The following BCKDHB variants were observed in gnomAD, a reference collection of about 807,000 sequenced individuals.
BCKDHB encodes branched chain keto acid dehydrogenase E1 subunit beta.
BCKDHB carries 41 observed loss-of-function variants against 48.5 expected under a neutral mutation model. The observed-to-expected ratio is 0.85, with a 90% CI of 0.66 to 1.10. BCKDHB has a LOEUF of 1.10. Among genes scored for constraint, BCKDHB ranks in the 50% least tolerant of loss-of-function variants. The pLI, the probability that BCKDHB is intolerant of heterozygous loss-of-function variation, is 0.00. For missense variants in BCKDHB, 496 were observed against 494.2 expected (o/e 1.00, Z -0.03); for synonymous variants, 201 against 174.8 (o/e 1.15, Z -1.18).
At chr6:80,448,859 A>T in the BCKDHB span, among the ~76,000 whole-genome samples, 1 of 152,162 alleles carries the variant, frequency 6.6e-6, no homozygotes, top group Non-Finnish European at 1.5e-5. Flanking sequence ...GCATGATGGG[A>T]TCATTTGTAC....
intron 9 of BCKDHB, among the ~76,000 whole-genome samples, chr6:80,339,141 G>A: frequency 6.6e-6 from 1 of 152,134 alleles, no homozygotes; most frequent in South Asian, 2.1e-4. Context: ...TGGAGAAATA[G>A]GGTTAGATAT....
chr6:80,354,242 T>TA, the BCKDHB span, among the ~76,000 whole-genome samples: 2,523 of 143,778 alleles, frequency 0.018, 20 homozygotes, highest in Middle Eastern at 0.028. Context: ...TTTATTTATT[T>TA]TTTTATACAG....
chr6:80,403,872 A>G, the BCKDHB span, among the ~76,000 whole-genome samples: 1 of 151,974 alleles, frequency 6.6e-6, no homozygotes, highest in African/African-American at 2.4e-5. Context: ...GTTGCAGTCT[A>G]TGACATTTAT....
chr6:80,291,791 G>A (rs1161750007), intron 9 of BCKDHB, among the ~76,000 whole-genome samples: 1 of 152,112 alleles, frequency 6.6e-6, no homozygotes, highest in African/African-American at 2.4e-5. Context: ...CACAGTTCTT[G>A]AAACATAATT....
chr6:80,254,485 C>T (rs1159240753), intron 8 of BCKDHB, among the ~76,000 whole-genome samples: 1 of 151,976 alleles, frequency 6.6e-6, no homozygotes, highest in African/African-American at 2.4e-5. Context: ...TGCTTGAGCC[C>T]TGGGGTTCAA....
At position 80,313,510 on chromosome 6, in the gene BCKDHB, G is replaced by A. The variant is rs567875003; in HGVS notation, c.1039-30154G>A. On this transcript the variant is annotated intron_variant, in intron 9 of 9. Transcript: ENST00000320393. ...CGAGTAGCTGGGATTACAGGCATCC[G>A]CCACCATGCCTGGCTAATTTTTGTA... is the stretch of plus-strand genomic sequence containing the variant. 6.6e-5 allele frequency among the ~76,000 whole-genome samples: 10 copies of A among 152,036 alleles called. No homozygotes were observed. The South Asian group carries it at 1.0e-3, about 16-fold the overall frequency.
rs772227275 is a variant in BCKDHB at position 80,168,860 on chromosome 6, C to G, written c.478-15C>G. ...ACTCATTGTGCCATGCCCCGTCTTT[C>G]TTTCTGACCCTCAGATTGTTAATGA... On this transcript the variant is annotated splice_polypyrimidine_tract_variant and intron_variant, in intron 4 of 9. Transcript: ENST00000320393. 2 of 1,613,702 alleles carry G rather than the reference C, an allele frequency of 1.2e-6. No individual in the cohort carries two copies. Among genetic ancestry groups the G allele is most frequent in the African/African-American group, 2.7e-5 (2 of 74,838 alleles).
chr6:80,204,983 C>T (rs1205934078), intron 8 of BCKDHB, among the ~76,000 whole-genome samples: 12 of 152,052 alleles, frequency 7.9e-5, no homozygotes. Flanking sequence ...CATCAGACCT[C>T]TGACTTATTA....
At chr6:80,251,580 T>C (rs1347722320) in intron 8 of BCKDHB, 2 of 152,198 alleles carry the variant, frequency 1.3e-5, no homozygotes, top group African/African-American at 2.4e-5. Flanking sequence ...ATATGTTTAT[T>C]GTATAAACCA....
intron 1 of BCKDHB, among the ~76,000 whole-genome samples, chr6:80,123,153 CT>C (rs1770134384): frequency 6.6e-6 from 1 of 152,094 alleles, no homozygotes; most frequent in African/African-American, 2.4e-5. Context: ...GTTGTCTTCC[CT>C]TGTTCCCTAA....
intron 9 of BCKDHB, among the ~76,000 whole-genome samples, chr6:80,301,330 T>C (rs1393051956): frequency 1.8e-4 from 27 of 151,854 alleles, no homozygotes; most frequent in Admixed American, 1.8e-3. Flanking sequence ...TCCAAATAAG[T>C]ACAATTCGAG....
At chr6:80,244,971 G>T (rs1176669367) in intron 8 of BCKDHB, among the ~76,000 whole-genome samples, 1 of 152,132 alleles carries the variant, frequency 6.6e-6, no homozygotes. Context: ...CTTTTGTTGA[G>T]CATCTACTCT....
At chr6:80,421,415 T>A in the BCKDHB span, among the ~76,000 whole-genome samples, 1 of 151,874 alleles carries the variant, frequency 6.6e-6, no homozygotes, top group African/African-American at 2.4e-5. Context: ...GCACTGGGAG[T>A]GGGGCACTGC....
chr6:80,360,538 A>G, the BCKDHB span, among the ~76,000 whole-genome samples: 1 of 152,204 alleles, frequency 6.6e-6, no homozygotes, highest in East Asian at 1.9e-4. Flanking sequence ...GTCAGCTATG[A>G]CTAAAACTAA....
chr6:80,380,307 A>G, the BCKDHB span, among the ~76,000 whole-genome samples: 127 of 152,188 alleles, frequency 8.3e-4, no homozygotes, highest in African/African-American at 3.0e-3. Flanking sequence ...TGGATCTTTG[A>G]TAAAGTTTAC....
At chr6:80,123,242 G>A (rs1340673278) in intron 1 of BCKDHB, among the ~76,000 whole-genome samples, 3 of 152,082 alleles carry the variant, frequency 2.0e-5, no homozygotes, top group South Asian at 4.1e-4. Context: ...CAATCAATTT[G>A]TACAGTTAAC....
chr6:80,279,760 A>G (rs1778123364), intron 9 of BCKDHB, among the ~76,000 whole-genome samples: 1 of 152,190 alleles, frequency 6.6e-6, no homozygotes, highest in Non-Finnish European at 1.5e-5. Context: ...TTCTGGGGAT[A>G]GCCTTAATAT....
the BCKDHB span, among the ~76,000 whole-genome samples, chr6:80,401,010 T>A: frequency 6.8e-6 from 1 of 146,714 alleles, no homozygotes; most frequent in Admixed American, 6.6e-5. Flanking sequence ...TGGAGTTAAA[T>A]TAGGAGAACA....
At chr6:80,432,054 AG>A in the BCKDHB span, among the ~76,000 whole-genome samples, 2 of 152,166 alleles carry the variant, frequency 1.3e-5, no homozygotes, top group African/African-American at 4.8e-5. Flanking sequence ...GTTTCTGCAG[AG>A]AGATCCACTG....
Sources: allele counts gnomAD v4.1 joint callset (sites outside exome capture counted in the v4.1 genomes callset), GRCh38; gene constraint gnomAD v4.1.1; transcripts MANE v1.5; gene names NCBI Gene and HGNC (gene_info 2026-07-23, HGNC 2026-07-21).